KIAA1328: variants seen among roughly 807,000 people sequenced by gnomAD.
The protein encoded by KIAA1328 is KIAA1328, also known as protein hinderin.
Under a neutral mutation model 68.1 loss-of-function variants are expected in KIAA1328, and 52 were observed. The ratio of observed to expected loss-of-function variants is 0.76; its 90% confidence interval spans 0.61 to 0.96. The LOEUF is 0.96. Ranked by LOEUF, KIAA1328 falls within the 40% of genes least tolerant of loss-of-function variation. The pLI is 0.00. For missense variants in KIAA1328, 641 were observed against 677.6 expected (o/e 0.95, Z 0.60); for synonymous variants, 232 against 239.4 (o/e 0.97, Z 0.28).
At chr18:37,112,266 C>T (rs887439028) in intron 7 of KIAA1328, among the ~76,000 whole-genome samples, 4 of 152,180 alleles carry the variant, frequency 2.6e-5, no homozygotes, top group Admixed American at 1.3e-4. Context: ...CTGGGAGACA[C>T]CTCCCAATAG....
chr18:37,105,916 C>CAAAAAAAAAAAAAAAAAAA (rs58940699), intron 7 of KIAA1328, among the ~76,000 whole-genome samples: 9 of 19,500 alleles, frequency 4.6e-4, no homozygotes, highest in African/African-American at 8.2e-4. Flanking sequence ...GACTCTGTGT[C>CAAAAAAAAAAAAAAAAAAA]AAAAAAAAAA....
At chr18:37,147,277 A>G (rs916103435) in intron 7 of KIAA1328, among the ~76,000 whole-genome samples, 1 of 152,210 alleles carries the variant, frequency 6.6e-6, no homozygotes, top group Non-Finnish European at 1.5e-5. Flanking sequence ...TATAATCGTG[A>G]ATTTAAATAA....
chr18:37,100,369 A>G (rs1304149206), intron 7 of KIAA1328, among the ~76,000 whole-genome samples: 1 of 152,222 alleles, frequency 6.6e-6, no homozygotes, highest in Non-Finnish European at 1.5e-5. Flanking sequence ...CACCAGGAGA[A>G]TATACCCTGT....
intron 4 of KIAA1328, among the ~76,000 whole-genome samples, chr18:36,856,153 G>T (rs1158863934): frequency 6.6e-6 from 1 of 151,744 alleles, no homozygotes; most frequent in Non-Finnish European, 1.5e-5. Context: ...AATATGCTTT[G>T]GTGTGGATTT....
At chr18:36,990,454 C>T (rs1568261620) in intron 6 of KIAA1328, among the ~76,000 whole-genome samples, 2 of 151,888 alleles carry the variant, frequency 1.3e-5, no homozygotes, top group Non-Finnish European at 2.9e-5. Context: ...GCAGGCGGAT[C>T]ACTTGAGGTC....
In KIAA1328 at chr18:37,016,138, C is replaced by T. The variant is rs1292958749; in HGVS notation, c.577-50752C>T. On this transcript the variant is annotated intron_variant, in intron 6 of 9. Transcript: ENST00000280020. The stretch of plus-strand genomic sequence containing the variant: ...AGCATGGTGATAGTTGTAGCTTTGT[C>T]TTAGATAGCTCTTATTATTTTGAGG... 2.0e-5 allele frequency among the ~76,000 whole-genome samples: 3 copies of T among 152,210 alleles called. No homozygotes were observed. In the East Asian group the frequency reaches 5.8e-4, roughly 29 times the overall value.
Position 37,057,021 on chromosome 18 carries a change from C to A in KIAA1328, c.577-9869C>A, listed in dbSNP as rs536179704. 1.0e-3 allele frequency among the ~76,000 whole-genome samples: 157 copies of A among 152,248 alleles called. 2 individuals carry two copies. The highest frequency in any genetic ancestry group is 3.7e-3 in the African/African-American group (154 of 41,556). On this transcript the variant is annotated intron_variant, in intron 6 of 9. Coordinates refer to ENST00000280020, the MANE Select transcript of KIAA1328 (RefSeq NM_020776.3). ...TTGTAATCTATAGATTTTTTCCTGT[C>A]TAAATACAGTTTGTTTTTGTAGCCT...
At chr18:37,148,638 C>G (rs2058959453) in intron 7 of KIAA1328, among the ~76,000 whole-genome samples, 1 of 152,134 alleles carries the variant, frequency 6.6e-6, no homozygotes, top group African/African-American at 2.4e-5. Flanking sequence ...TCTGCTGTTT[C>G]TTGACTTTTT....
chr18:37,147,187 T>C (rs1337249566), intron 7 of KIAA1328, among the ~76,000 whole-genome samples: 2 of 152,204 alleles, frequency 1.3e-5, no homozygotes, highest in East Asian at 3.9e-4. Context: ...AATAAACCTT[T>C]TTACTTTAAG....
At chr18:37,105,950 T>G (rs1388210584) in intron 7 of KIAA1328, among the ~76,000 whole-genome samples, 22 of 105,300 alleles carry the variant, frequency 2.1e-4, no homozygotes, top group African/African-American at 9.0e-4. Flanking sequence ...AAAAAAGAAT[T>G]ATAGTATAAA....
chr18:37,187,118 C>G (rs1052559819), intron 9 of KIAA1328, among the ~76,000 whole-genome samples: 1 of 151,616 alleles, frequency 6.6e-6, no homozygotes, highest in African/African-American at 2.4e-5. Flanking sequence ...GAGCTGAGAT[C>G]ATACCACTAT....
chr18:37,217,144 A>T (rs1387314424), intron 9 of KIAA1328, among the ~76,000 whole-genome samples: 1 of 151,922 alleles, frequency 6.6e-6, no homozygotes, highest in Non-Finnish European at 1.5e-5. Context: ...TGTGTCTTTT[A>T]ATTGGGGCAT....
At chr18:37,013,068 A>T (rs1280424695) in intron 6 of KIAA1328, among the ~76,000 whole-genome samples, 3 of 152,122 alleles carry the variant, frequency 2.0e-5, no homozygotes, top group Non-Finnish European at 4.4e-5. Flanking sequence ...TATATTTAGA[A>T]ATTTCATTAA....
intron 6 of KIAA1328, among the ~76,000 whole-genome samples, chr18:37,052,262 T>C (rs1040083295): frequency 1.2e-4 from 19 of 152,106 alleles, no homozygotes; most frequent in South Asian, 2.1e-4. Context: ...CCTCAATAGA[T>C]GCAGAAAAAG....
intron 4 of KIAA1328, among the ~76,000 whole-genome samples, chr18:36,855,745 T>G (rs765811153): frequency 1.3e-5 from 2 of 151,950 alleles, no homozygotes; most frequent in Non-Finnish European, 2.9e-5. Flanking sequence ...TCATGAAGAT[T>G]TACATCCCTG....
chr18:37,038,751 G>T (rs989873791), intron 6 of KIAA1328, among the ~76,000 whole-genome samples: 1 of 151,972 alleles, frequency 6.6e-6, no homozygotes, highest in African/African-American at 2.4e-5. Context: ...ATCAGAAGAC[G>T]TAAGAATACA....
At chr18:37,133,383 T>C (rs2058568811) in intron 7 of KIAA1328, among the ~76,000 whole-genome samples, 3 of 151,670 alleles carry the variant, frequency 2.0e-5, no homozygotes, top group Admixed American at 1.3e-4. Context: ...GGAGGGGAAG[T>C]TGTGACTGCA....
Position 37,113,841 on chromosome 18 carries a change from A to G in KIAA1328, c.1232+46296A>G, listed in dbSNP as rs867026747. ...CTACCAAGCAAATGGAAAACAAAAA[A>G]AAGCAGGTGTTGCAATCCTAGTCTC... On this transcript the variant is annotated intron_variant, in intron 7 of 9. Coordinates refer to ENST00000280020, the MANE Select transcript of KIAA1328 (RefSeq NM_020776.3). 2.0e-5 allele frequency among the ~76,000 whole-genome samples: 3 copies of G among 152,208 alleles called. No individual in the cohort carries two copies. In the South Asian group the frequency reaches 6.2e-4, roughly 31 times the overall value.
At chr18:37,097,246 T>C (rs2057440122) in intron 7 of KIAA1328, among the ~76,000 whole-genome samples, 1 of 152,236 alleles carries the variant, frequency 6.6e-6, no homozygotes, top group Admixed American at 6.5e-5. Flanking sequence ...GAATTAATTT[T>C]TGTATAAGGT....
Sources: allele counts gnomAD v4.1 joint callset (sites outside exome capture counted in the v4.1 genomes callset), GRCh38; gene constraint gnomAD v4.1.1; transcripts MANE v1.5; gene names NCBI Gene and HGNC (gene_info 2026-07-23, HGNC 2026-07-21).